The following LAPTM4B variants were observed in gnomAD, a reference collection of about 807,000 sequenced individuals.
LAPTM4B encodes the protein lysosomal protein transmembrane 4 beta.
A neutral mutation model predicts 28.5 loss-of-function variants in LAPTM4B; 26 were observed. The observed-to-expected ratio is 0.91, with a 90% confidence interval of 0.67 to 1.27. The LOEUF is 1.27. Ranked by LOEUF, LAPTM4B falls within the 50% of genes most tolerant of loss-of-function variation. The probability of loss-of-function intolerance (pLI) is 0.00; values close to 1 mark genes in which losing one functional copy is unlikely to be tolerated. For missense variants in LAPTM4B, 288 were observed against 285.8 expected (o/e 1.01, Z -0.06); for synonymous variants, 109 against 106.4 (o/e 1.02, Z -0.15).
intron 6 of LAPTM4B, among the ~76,000 whole-genome samples, chr8:97,845,483 C>G (rs1358908485): frequency 6.6e-6 from 1 of 152,110 alleles, no homozygotes; most frequent in East Asian, 1.9e-4. Context: ...GTTCTCTTTC[C>G]TGAGACTTCT....
At chr8:97,816,312 AT>A in intron 4 of LAPTM4B, 132 bp downstream of exon 4, 1 of 878,424 alleles carries the variant, frequency 1.1e-6, no homozygotes, top group South Asian at 2.0e-5. Flanking sequence ...CTCATAGGAA[AT>A]TTCTTTTTTC....
rs375169175 is a variant in LAPTM4B at position 97,816,095 on chromosome 8, A to T, written c.323A>T (p.Gln108Leu). The T allele has an allele frequency of 2.5e-6, 4 of 1,613,674 alleles. No individual in the cohort carries two copies. In the African/African-American group the frequency reaches 5.3e-5, roughly 22 times the overall value. ...AAWIIPFFCY[Q>L]IFDFALNMLV... ...TGGATCATCCCATTCTTCTGTTACC[A>T]GATCTTTGACTTTGCCCTGAACATG... Residue 108 changes from glutamine (Q) to leucine (L), a missense_variant, in exon 4 of 7, where the codon CAG becomes CTG. Gln to Leu is a moderately radical substitution (Grantham distance 113). Transcript: ENST00000521545.
intron 1 of LAPTM4B, among the ~76,000 whole-genome samples, chr8:97,778,622 CA>C (rs950363850): frequency 2.0e-4 from 31 of 152,148 alleles, no homozygotes; most frequent in African/African-American, 7.5e-4. Flanking sequence ...TGATAACACC[CA>C]AAGCCCCGCG....
intron 6 of LAPTM4B, among the ~76,000 whole-genome samples, chr8:97,828,695 C>T (rs1817131213): frequency 6.6e-6 from 1 of 152,112 alleles, no homozygotes; most frequent in African/African-American, 2.4e-5. Flanking sequence ...TTTTGGAGGA[C>T]AACTGCGGCT....
intron 6 of LAPTM4B, among the ~76,000 whole-genome samples, chr8:97,840,442 A>G (rs1817328069): frequency 6.6e-6 from 1 of 152,116 alleles, no homozygotes; most frequent in African/African-American, 2.4e-5. Flanking sequence ...ATAAAAATCT[A>G]CCTCTATCTT....
At chr8:97,793,205 A>G (rs553161386) in intron 1 of LAPTM4B, among the ~76,000 whole-genome samples, 70 of 152,342 alleles carry the variant, frequency 4.6e-4, no homozygotes, top group African/African-American at 1.6e-3. Context: ...TTGTGGCACA[A>G]TAGATTAATT....
intron 2 of LAPTM4B, among the ~76,000 whole-genome samples, chr8:97,812,220 G>T (rs111832035): frequency 0.037 from 1,898 of 50,706 alleles, 35 homozygotes; most frequent in Non-Finnish European, 0.078. Flanking sequence ...TTTTTTTGTT[G>T]TTTTTTGTTT....
At chr8:97,838,979 C>T (rs1159805324) in intron 6 of LAPTM4B, among the ~76,000 whole-genome samples, 2 of 152,240 alleles carry the variant, frequency 1.3e-5, no homozygotes, top group East Asian at 3.9e-4. Flanking sequence ...TGCATTCTCC[C>T]GATGTTGTCA....
rs71271147 is a variant in LAPTM4B at position 97,781,278 on chromosome 8, C to CTT, written c.99+5190_99+5191dup. On this transcript the variant is annotated intron_variant, in intron 1 of 6. Coordinates refer to ENST00000521545, the MANE Select transcript of LAPTM4B (RefSeq NM_018407.6). ...ACAGGCGTGAGCCACTGTGCCCGGC[C>CTT]TTTTTTTTTTTTTTTTTTTTTGAGG... 1.6e-3 allele frequency among the ~76,000 whole-genome samples: 81 copies of CTT among 50,826 alleles called. 1 individual carries two copies. Among genetic ancestry groups the CTT allele is most frequent in the African/African-American group, 6.0e-3 (54 of 9,040 alleles). The allele number at this position is 50,826 out of a possible 152,430, so 33.3% of individuals were successfully genotyped here. A position where few individuals can be genotyped will look rare whatever the true frequency, so the allele number is the denominator to read the frequency against.
chr8:97,809,013 A>G (rs914473239), intron 2 of LAPTM4B, among the ~76,000 whole-genome samples: 1 of 152,188 alleles, frequency 6.6e-6, no homozygotes, highest in Non-Finnish European at 1.5e-5. Context: ...CAGTCCTTTC[A>G]AATATATAAA....
rs1586314686 is a variant in LAPTM4B at position 97,775,968 on chromosome 8, C to T, written c.-42C>T. 3 of 1,525,576 alleles carry T rather than the reference C, an allele frequency of 2.0e-6. No homozygotes were observed. Among genetic ancestry groups the T allele is most frequent in the South Asian group, 1.2e-5 (1 of 83,322 alleles). 94.5% of individuals were successfully genotyped at this position (1,525,576 alleles called of 1,614,324 possible). ...GCTCCAGGCGAGGCGGTCGACGCTC[C>T]TGAAAACTTGCGCGCGCGCTCGCGC... On this transcript the variant is annotated 5_prime_UTR_variant, in exon 1 of 7. Transcript: ENST00000521545.
chr8:97,851,601 A>G lies in LAPTM4B; in HGVS notation c.*127A>G. ...TGTTGCTGAAATGCTACTTTTTAAAATTTAGATGTTAGATTGAAAACTGTA... is the reference window on the plus strand; with the variant it reads ...TGTTGCTGAAATGCTACTTTTTAAAGTTTAGATGTTAGATTGAAAACTGTA... On this transcript the variant is annotated 3_prime_UTR_variant, in exon 7 of 7. Transcript: ENST00000521545. 1.4e-6 allele frequency: 1 copy of G among 709,838 alleles called. No individual in the cohort carries two copies. The highest frequency in any genetic ancestry group is 2.5e-6 in the Non-Finnish European group (1 of 407,726). 44.0% of individuals were successfully genotyped at this position (709,838 alleles called of 1,614,324 possible). A position where few individuals can be genotyped will look rare whatever the true frequency, so the allele number is the denominator to read the frequency against.
chr8:97,809,768 T>A lies in LAPTM4B; in HGVS notation c.211+4304T>A, dbSNP rs149264869. 3.5e-3 allele frequency among the ~76,000 whole-genome samples: 536 copies of A among 152,294 alleles called. 2 individuals are homozygous for A. Among genetic ancestry groups the A allele is most frequent in the African/African-American group, 0.012 (502 of 41,554 alleles). ...TATCTTTTTACATTGGTGACAGCTA[T>A]CTGAAGATTTCATCCAGCCAGACAG... On this transcript the variant is annotated intron_variant, in intron 2 of 6. Coordinates refer to ENST00000521545, the MANE Select transcript of LAPTM4B (RefSeq NM_018407.6).
chr8:97,797,827 T>C (rs533588198), intron 1 of LAPTM4B, among the ~76,000 whole-genome samples: 1 of 152,220 alleles, frequency 6.6e-6, no homozygotes, highest in African/African-American at 2.4e-5. Context: ...CTGGAACATA[T>C]TCAGGGGCCT....
intron 2 of LAPTM4B, among the ~76,000 whole-genome samples, chr8:97,812,157 A>G (rs890870749): frequency 2.0e-5 from 3 of 150,864 alleles, no homozygotes; most frequent in Admixed American, 6.6e-5. Flanking sequence ...AAAAAGTAGC[A>G]TACTCTACAT....
At chr8:97,839,835 A>G (rs569386556) in intron 6 of LAPTM4B, among the ~76,000 whole-genome samples, 2 of 152,354 alleles carry the variant, frequency 1.3e-5, no homozygotes, top group East Asian at 1.9e-4. Flanking sequence ...AAGGAATTTT[A>G]TATTTTTACA....
intron 1 of LAPTM4B, among the ~76,000 whole-genome samples, chr8:97,796,088 CG>C (rs1816577987): frequency 6.6e-6 from 1 of 152,148 alleles, no homozygotes; most frequent in Non-Finnish European, 1.5e-5. Flanking sequence ...TACAGGCATG[CG>C]CCACCCTATC....
At chr8:97,839,684 G>T (rs899800076) in intron 6 of LAPTM4B, among the ~76,000 whole-genome samples, 1 of 152,158 alleles carries the variant, frequency 6.6e-6, no homozygotes, top group Non-Finnish European at 1.5e-5. Context: ...TCAACACATG[G>T]ATGTTTGAAA....
chr8:97,822,752 A>G (rs1817027094), intron 5 of LAPTM4B, among the ~76,000 whole-genome samples: 1 of 152,144 alleles, frequency 6.6e-6, no homozygotes, highest in Non-Finnish European at 1.5e-5. Context: ...GGGGTATATG[A>G]GATATTTTGA....
Sources: allele counts gnomAD v4.1 joint callset (sites outside exome capture counted in the v4.1 genomes callset), GRCh38; gene constraint gnomAD v4.1.1; transcripts MANE v1.5; gene names NCBI Gene and HGNC (gene_info 2026-07-23, HGNC 2026-07-21).